MTMR8: variants seen among roughly 807,000 people sequenced by gnomAD.
MTMR8 encodes myotubularin related protein 8.
Under a neutral mutation model 39.3 loss-of-function variants are expected in MTMR8, and 65 were observed. The observed-to-expected ratio is 1.65, with a 90% confidence interval of 1.35 to 2.03. The LOEUF (loss-of-function observed/expected upper bound fraction) is 2.03, where lower values mean the gene tolerates loss of function less well. Ranked by LOEUF, MTMR8 falls within the 30% of genes most tolerant of loss-of-function variation. The probability of loss-of-function intolerance (pLI) is 0.00; values close to 1 mark genes in which losing one functional copy is unlikely to be tolerated. For synonymous variants in MTMR8, 245 were observed against 185.2 expected (o/e 1.32, Z -2.62); for missense variants, 777 against 538.9 (o/e 1.44, Z -4.37).
chrX:64,349,835 T>G, intron 5 of MTMR8, 107 bp downstream of exon 5: 1 of 652,310 alleles, frequency 1.5e-6, no homozygotes, highest in Middle Eastern at 3.8e-4. Flanking sequence ...CCAGAGAAGT[T>G]AAGTAACTTG....
At chrX:64,345,716 A>C (rs1569225221) in intron 6 of MTMR8, among the ~76,000 whole-genome samples, 1 of 111,827 alleles carries the variant, frequency 8.9e-6, no homozygotes, top group Non-Finnish European at 1.9e-5. Context: ...GGGCTCAGGC[A>C]ATCCTTCTGC....
At chrX:64,369,689 A>G (rs937829709) in intron 1 of MTMR8, among the ~76,000 whole-genome samples, 2 of 111,152 alleles carry the variant, frequency 1.8e-5, no homozygotes, top group Admixed American at 1.9e-4. Flanking sequence ...GGTGCAGCAA[A>G]CCAACATGGC....
At chrX:64,344,617 G>T (rs1387566505) in intron 7 of MTMR8, among the ~76,000 whole-genome samples, 1 of 110,936 alleles carries the variant, frequency 9.0e-6, no homozygotes, top group East Asian at 2.8e-4. Context: ...ATTCTTTTGA[G>T]GTCTAAATTC....
At chrX:64,269,983 G>A (rs570152572) in intron 13 of MTMR8, among the ~76,000 whole-genome samples, 2 of 111,431 alleles carry the variant, frequency 1.8e-5, no homozygotes, top group South Asian at 3.9e-4. Flanking sequence ...GGATAAGTGA[G>A]AGGGCTGGGT....
chrX:64,297,314 C>A (rs1230074038), intron 12 of MTMR8, among the ~76,000 whole-genome samples: 1 of 109,999 alleles, frequency 9.1e-6, no homozygotes. Context: ...TTTTGATTTG[C>A]ATTTCTCTGA....
rs886760715 is a variant in MTMR8 at position 64,325,472 on chromosome X, C to A, written c.1481+3300G>T. Among the ~76,000 whole-genome samples the A allele has an allele frequency of 1.3e-4, 15 of 111,755 alleles. No individual in the cohort carries two copies. The East Asian group carries it at 4.2e-3, about 31-fold the overall frequency. On this transcript the variant is annotated intron_variant, in intron 12 of 13. Coordinates refer to ENST00000374852, the MANE Select transcript of MTMR8 (RefSeq NM_017677.4). ...TCAAGTGGAACTCATCCCAGGGATG[C>A]AAGAATGGCTCAACATATGCCAATC... is the stretch of plus-strand genomic sequence containing the variant.
At chrX:64,288,334 G>C (rs1921273892) in intron 12 of MTMR8, among the ~76,000 whole-genome samples, 1 of 111,348 alleles carries the variant, frequency 9.0e-6, no homozygotes, top group Non-Finnish European at 1.9e-5. Flanking sequence ...TCTCACACCA[G>C]TTACAATGGC....
intron 12 of MTMR8, among the ~76,000 whole-genome samples, chrX:64,277,713 G>C (rs1375832005): frequency 2.7e-5 from 3 of 110,799 alleles, no homozygotes; most frequent in Non-Finnish European, 5.7e-5. Flanking sequence ...TATGTGTCTT[G>C]GTGTTGTTCT....
At chrX:64,353,134 A>T (rs1439435127) in intron 4 of MTMR8, among the ~76,000 whole-genome samples, 2 of 112,060 alleles carry the variant, frequency 1.8e-5, no homozygotes, top group African/African-American at 6.5e-5. Flanking sequence ...TGGTTCTGGG[A>T]AAACTGGATG....
At chrX:64,329,015 G>A in intron 11 of MTMR8, 115 bp from the exon 12 acceptor site, 1 of 665,528 alleles carries the variant, frequency 1.5e-6, no homozygotes, top group Middle Eastern at 5.1e-4. Flanking sequence ...GCTCAAGAAA[G>A]GACGACAGGA....
intron 12 of MTMR8, among the ~76,000 whole-genome samples, chrX:64,307,374 A>T (rs773413827): frequency 1.8e-5 from 2 of 112,127 alleles, no homozygotes; most frequent in East Asian, 5.6e-4. Context: ...TAAATTTATG[A>T]TCCATTTTGT....
intron 10 of MTMR8, among the ~76,000 whole-genome samples, chrX:64,332,037 T>C (rs1473513139): frequency 8.9e-6 from 1 of 112,047 alleles, no homozygotes; most frequent in Non-Finnish European, 1.9e-5. Context: ...GATGGAAAAT[T>C]TCTACAGTTG....
intron 1 of MTMR8, among the ~76,000 whole-genome samples, chrX:64,389,212 C>T (rs1219955756): frequency 2.7e-5 from 3 of 111,707 alleles, no homozygotes; most frequent in Non-Finnish European, 3.8e-5. Context: ...TATTATTTTA[C>T]TGATGAAGAA....
chrX:64,304,611 A>G (rs757162216), intron 12 of MTMR8, among the ~76,000 whole-genome samples: 1 of 109,176 alleles, frequency 9.2e-6, no homozygotes, highest in Non-Finnish European at 1.9e-5. Context: ...CTCAGTTTAT[A>G]TAGAGTAAGT....
chrX:64,278,460 GTTTTTTTTTTTTT>G (rs56132040), intron 12 of MTMR8, among the ~76,000 whole-genome samples: 1 of 24,686 alleles, frequency 4.1e-5, no homozygotes, highest in Non-Finnish European at 8.2e-5. Flanking sequence ...TATTTTGCTG[GTTTTTTTTTTTTT>G]TTTTTTTTTT....
intron 12 of MTMR8, among the ~76,000 whole-genome samples, chrX:64,321,267 T>A (rs1400522424): frequency 8.9e-6 from 1 of 111,912 alleles, no homozygotes; most frequent in East Asian, 2.8e-4. Context: ...AGTCAACAAA[T>A]TTAAATCAAC....
Position 64,350,312 on chromosome X carries a change from A to G in MTMR8, c.469-242T>C, listed in dbSNP as rs749638873. On this transcript the variant is annotated intron_variant, in intron 4 of 13. Transcript: ENST00000374852. ...TATGTAGTTTATGAAAGAGTACATC[A>G]TATTTCCTCCTCCTCTACCTGTCTG... Among the ~76,000 whole-genome samples, 6 of 109,615 alleles carry G rather than the reference A, an allele frequency of 5.5e-5. No homozygotes were observed. The Admixed American group carries it at 5.8e-4, about 11-fold the overall frequency.
intron 1 of MTMR8, among the ~76,000 whole-genome samples, chrX:64,391,228 T>C (rs752235301): frequency 8.9e-6 from 1 of 112,427 alleles, no homozygotes; most frequent in Non-Finnish European, 1.9e-5. Context: ...TTCACTGTCT[T>C]TTTTTTCTAC....
intron 12 of MTMR8, among the ~76,000 whole-genome samples, chrX:64,311,409 G>A (rs1922294293): frequency 9.0e-6 from 1 of 110,770 alleles, no homozygotes; most frequent in African/African-American, 3.3e-5. Context: ...TTGTCAGATG[G>A]GTAGATTGCA....
Sources: allele counts gnomAD v4.1 joint callset (sites outside exome capture counted in the v4.1 genomes callset), GRCh38; gene constraint gnomAD v4.1.1; transcripts MANE v1.5; gene names NCBI Gene and HGNC (gene_info 2026-07-23, HGNC 2026-07-21).